The following XIRP2 variants were observed in gnomAD, a reference collection of about 807,000 sequenced individuals.
XIRP2 encodes xin actin binding repeat containing 2.
In XIRP2, 236 loss-of-function variants were observed where a neutral mutation model predicts 277.0. That is an observed-to-expected ratio of 0.85 (90% CI 0.77 to 0.95). The LOEUF (loss-of-function observed/expected upper bound fraction) is 0.95. Among genes scored for constraint, XIRP2 ranks in the 40% least tolerant of loss-of-function variants. The probability of loss-of-function intolerance (pLI) is 0.00; values close to 1 mark genes in which losing one functional copy is unlikely to be tolerated. For synonymous variants in XIRP2, 1,490 were observed against 1,416.5 expected (o/e 1.05, Z -1.17); for missense variants, 4,640 against 4,157.5 (o/e 1.12, Z -3.19).
intron 2 of XIRP2, among the ~76,000 whole-genome samples, chr2:167,062,071 CT>C (rs1236159590): frequency 6.6e-6 from 1 of 152,174 alleles, no homozygotes; most frequent in African/African-American, 2.4e-5. Flanking sequence ...CTTCCTGCCT[CT>C]ATTGGGAGGA....
intron 2 of XIRP2, among the ~76,000 whole-genome samples, chr2:167,115,319 A>G (rs1415501330): frequency 1.3e-5 from 2 of 152,148 alleles, no homozygotes; most frequent in African/African-American, 2.4e-5. Context: ...CTGAATCTCA[A>G]TGATTTTTAT....
chr2:166,935,454 T>G (rs961415889), intron 2 of XIRP2, among the ~76,000 whole-genome samples: 4 of 143,214 alleles, frequency 2.8e-5, no homozygotes, highest in Admixed American at 1.5e-4. Context: ...AGGGTACATG[T>G]GCACAACGTG....
At position 166,988,506 on chromosome 2, in the gene XIRP2, G is replaced by A. The variant is rs965586700; in HGVS notation, c.408+84616G>A. Reference sequence around the variant, plus strand: ...ACAGCTCCGGTCTACAGCTCCCAGCGTGAGCGACGCAGAAGACAGGTGATT... The same window carrying A: ...ACAGCTCCGGTCTACAGCTCCCAGCATGAGCGACGCAGAAGACAGGTGATT... On this transcript the variant is annotated intron_variant, in intron 2 of 10. Transcript: ENST00000409195. Among the ~76,000 whole-genome samples the A allele has an allele frequency of 2.5e-4, 33 of 134,318 alleles. 2 individuals carry two copies. The South Asian group carries it at 6.2e-3, about 25-fold the overall frequency. The allele number at this position is 134,318 out of a possible 152,430, so 88.1% of individuals were successfully genotyped here. A position where few individuals can be genotyped will look rare whatever the true frequency, so the allele number is the denominator to read the frequency against.
chr2:167,060,448 TTTCCCCTG>T (rs1689148654), intron 2 of XIRP2, among the ~76,000 whole-genome samples: 1 of 152,196 alleles, frequency 6.6e-6, no homozygotes, highest in Admixed American at 6.5e-5. Context: ...GGAAAGTATT[TTTCCCCTG>T]TTTTCTATTA....
intron 2 of XIRP2, among the ~76,000 whole-genome samples, chr2:167,109,952 G>C (rs1432313739): frequency 6.6e-6 from 1 of 152,022 alleles, no homozygotes; most frequent in Non-Finnish European, 1.5e-5. Flanking sequence ...TCATGTGCTT[G>C]TTGGCCACAT....
Position 167,244,003 on chromosome 2 carries a change from G to A in XIRP2, c.2611G>A (p.Asp871Asn). Residue 871 changes from aspartate to asparagine, a missense_variant, in exon 9 of 11, where the codon GAT becomes AAT. Transcript: ENST00000409195. ...ACAACGTGAGGAGATAATAGGTGGT[G>A]ATGTACAAACTACTAAGCATCTATT... ...SLQREEIIGG[D>N]VQTTKHLFET... The A allele has an allele frequency of 1.9e-6, 3 of 1,614,018 alleles. No individual in the cohort carries two copies. The highest frequency in any genetic ancestry group is 2.5e-6 in the Non-Finnish European group (3 of 1,179,942).
intron 2 of XIRP2, among the ~76,000 whole-genome samples, chr2:166,910,092 G>C (rs540614350): frequency 1.4e-4 from 22 of 152,258 alleles, no homozygotes; most frequent in Non-Finnish European, 1.5e-5. Context: ...TTGTGTCTCT[G>C]TCAGACTTTG....
chr2:166,914,999 T>A (rs1421870896), intron 2 of XIRP2, among the ~76,000 whole-genome samples: 1 of 151,910 alleles, frequency 6.6e-6, no homozygotes, highest in East Asian at 1.9e-4. Flanking sequence ...GTTTGTTTTT[T>A]AAAAAAAGAC....
At chr2:167,221,611 A>G (rs936587499) in intron 5 of XIRP2, among the ~76,000 whole-genome samples, 3 of 152,176 alleles carry the variant, frequency 2.0e-5, no homozygotes, top group African/African-American at 7.2e-5. Context: ...AGATAGTCCA[A>G]CTTTTAATGC....
At chr2:167,054,124 A>G (rs1688986499) in intron 2 of XIRP2, among the ~76,000 whole-genome samples, 1 of 152,192 alleles carries the variant, frequency 6.6e-6, no homozygotes, top group Admixed American at 6.5e-5. Flanking sequence ...AGCCAGCAAA[A>G]TATTTTGTAT....
chr2:167,257,920 C>G lies in XIRP2; in HGVS notation c.*103C>G. On this transcript the variant is annotated 3_prime_UTR_variant, in exon 11 of 11. Coordinates refer to ENST00000409195, the MANE Select transcript of XIRP2 (RefSeq NM_152381.6). The stretch of plus-strand genomic sequence containing the variant: ...GTAAACCTCACTTTAAACAACTTTT[C>G]AAATCCAAAGGAAATTATGATGAAG... 1 of 1,611,756 alleles carries G rather than the reference C, an allele frequency of 6.2e-7. No individual in the cohort carries two copies. The highest frequency in any genetic ancestry group is 8.5e-7 in the Non-Finnish European group (1 of 1,179,064).
At chr2:167,065,243 C>G (rs1235381984) in intron 2 of XIRP2, among the ~76,000 whole-genome samples, 3 of 151,786 alleles carry the variant, frequency 2.0e-5, no homozygotes, top group African/African-American at 7.2e-5. Context: ...TTTTTATTTT[C>G]TTAATAAATA....
chr2:167,244,663 G>A lies in XIRP2; in HGVS notation c.3271G>A (p.Val1091Ile). 1 of 1,613,486 alleles carries A rather than the reference G, an allele frequency of 6.2e-7. No homozygotes were observed. Among genetic ancestry groups the A allele is most frequent in the South Asian group, 1.1e-5 (1 of 91,006 alleles). Residue 1091 changes from valine (V) to isoleucine (I), a missense_variant, in exon 9 of 11, where the codon GTC becomes ATC. Physicochemically the swap from Val to Ile is conservative, Grantham distance 29. Coordinates refer to ENST00000409195, the MANE Select transcript of XIRP2 (RefSeq NM_152381.6). The stretch of plus-strand genomic sequence containing the variant: ...AACTAGAGATATTGTTAAAGGGGAT[G>A]TCAAAACCTGTAAATGGCTTTTTGA... ...EQTRDIVKGD[V>I]KTCKWLFETQ...
At chr2:167,127,024 A>G (rs974906819) in intron 2 of XIRP2, among the ~76,000 whole-genome samples, 2 of 152,086 alleles carry the variant, frequency 1.3e-5, no homozygotes, top group Non-Finnish European at 2.9e-5. Context: ...CTTTCTCTTC[A>G]TTATTAGTCT....
intron 2 of XIRP2, among the ~76,000 whole-genome samples, chr2:167,120,524 A>G (rs1253783660): frequency 2.0e-5 from 3 of 152,194 alleles, no homozygotes; most frequent in South Asian, 2.1e-4. Flanking sequence ...TCACTATGGT[A>G]TGTCTGAATT....
intron 2 of XIRP2, among the ~76,000 whole-genome samples, chr2:167,035,213 C>G (rs1688478046): frequency 6.6e-6 from 1 of 152,052 alleles, no homozygotes; most frequent in African/African-American, 2.4e-5. Context: ...TGTAGATGCC[C>G]AAAAATGTGG....
intron 2 of XIRP2, among the ~76,000 whole-genome samples, chr2:166,944,804 A>T (rs1685808437): frequency 6.6e-6 from 1 of 152,138 alleles, no homozygotes; most frequent in Non-Finnish European, 1.5e-5. Flanking sequence ...AAGAAATCAA[A>T]CCATAAAGAC....
chr2:166,985,159 CT>C (rs1486616687), intron 2 of XIRP2, among the ~76,000 whole-genome samples: 5 of 152,060 alleles, frequency 3.3e-5, no homozygotes, highest in East Asian at 1.9e-4. Flanking sequence ...TACTACAATT[CT>C]TTTTTTCCCC....
intron 2 of XIRP2, among the ~76,000 whole-genome samples, chr2:166,966,480 TTA>T (rs1417569201): frequency 6.6e-6 from 1 of 151,918 alleles, no homozygotes; most frequent in Non-Finnish European, 1.5e-5. Context: ...CATATTTGTT[TTA>T]TATGTTTATA....
Sources: gnomAD v4.1 joint callset for allele counts (sites outside exome capture counted in the v4.1 genomes callset) on GRCh38, gnomAD v4.1.1 for gene constraint, MANE v1.5 for transcripts, NCBI Gene and HGNC (gene_info 2026-07-23, HGNC 2026-07-21) for gene names.